The following CNIH3 variants were observed in gnomAD, a reference collection of about 807,000 sequenced individuals.
CNIH3 encodes the protein cornichon family AMPA receptor auxiliary protein 3.
In CNIH3, 14 loss-of-function variants were observed where a neutral mutation model predicts 24.1. The observed-to-expected ratio is 0.58, with a 90% CI of 0.38 to 0.91. The LOEUF (loss-of-function observed/expected upper bound fraction) is 0.91. CNIH3 is among the 40% of genes least tolerant of loss of function. CNIH3 has a pLI of 0.00. For synonymous variants in CNIH3, 68 were observed against 73.8 expected (o/e 0.92, Z 0.40); for missense variants, 178 against 196.8 (o/e 0.90, Z 0.57).
intron 1 of CNIH3, among the ~76,000 whole-genome samples, chr1:224,488,641 A>C (rs568416566): frequency 4.6e-5 from 7 of 152,118 alleles, no homozygotes; most frequent in African/African-American, 1.4e-4. Flanking sequence ...AATTTTTCAA[A>C]ATTTGTTGTA....
intron 2 of CNIH3, among the ~76,000 whole-genome samples, chr1:224,533,321 G>A (rs1679151941): frequency 6.6e-6 from 1 of 151,318 alleles, no homozygotes; most frequent in Non-Finnish European, 1.5e-5. Flanking sequence ...GGAGGCTGAG[G>A]TGGGAGGATC....
intron 1 of CNIH3, among the ~76,000 whole-genome samples, chr1:224,645,775 C>G (rs959614786): frequency 1.3e-5 from 2 of 152,224 alleles, no homozygotes; most frequent in African/African-American, 4.8e-5. Context: ...CTGCCATTCC[C>G]CACCCCATAA....
chr1:224,699,365 C>A (rs1336706272), intron 3 of CNIH3, among the ~76,000 whole-genome samples: 2 of 152,236 alleles, frequency 1.3e-5, no homozygotes, highest in Non-Finnish European at 2.9e-5. Context: ...ACTGTACCCC[C>A]TTCTCCTGGC....
chr1:224,625,325 G>A (rs1400241982), intron 1 of CNIH3, among the ~76,000 whole-genome samples: 8 of 152,122 alleles, frequency 5.3e-5, no homozygotes, highest in Non-Finnish European at 7.4e-5. Context: ...CTAGGCGGGC[G>A]GATCATGAGG....
chr1:224,622,966 C>G (rs1683351284), intron 1 of CNIH3, among the ~76,000 whole-genome samples: 1 of 152,210 alleles, frequency 6.6e-6, no homozygotes, highest in Admixed American at 6.5e-5. Context: ...GCCTTTGCCA[C>G]CATCATCTGA....
At chr1:224,543,743 A>G (rs1679601374) in intron 2 of CNIH3, among the ~76,000 whole-genome samples, 1 of 152,032 alleles carries the variant, frequency 6.6e-6, no homozygotes, top group Non-Finnish European at 1.5e-5. Context: ...TCTCCTCCAT[A>G]TGCACTGCAT....
intron 5 of CNIH3, chr1:224,587,496 G>A (rs1416026920): frequency 3.3e-5 from 5 of 152,192 alleles, no homozygotes; most frequent in African/African-American, 7.2e-5. Context: ...CTTTGGGAAG[G>A]GAAGGCACAC....
At position 224,739,447 on chromosome 1, in the gene CNIH3, A is replaced by C; in HGVS notation, c.*91A>C. On this transcript the variant is annotated 3_prime_UTR_variant, in exon 6 of 6. Transcript: ENST00000272133. ...TGCTGGTGACTGGAGGAGGGACCAG[A>C]ATGAGGATACGTGAGAAATAGACCC... 6.3e-7 allele frequency: 1 copy of C among 1,576,610 alleles called. No individual in the cohort carries two copies. The highest frequency in any genetic ancestry group is 1.2e-5 in the South Asian group (1 of 84,404).
At chr1:224,708,244 C>T (rs943841493) in intron 3 of CNIH3, among the ~76,000 whole-genome samples, 17 of 152,122 alleles carry the variant, frequency 1.1e-4, no homozygotes, top group African/African-American at 4.1e-4. Context: ...CCTCTCTCCT[C>T]TCAGGGCCCC....
chr1:224,683,816 G>A lies in CNIH3; in HGVS notation c.151-980G>A, dbSNP rs779426607. Among the ~76,000 whole-genome samples, 7 of 152,290 alleles carry A rather than the reference G, an allele frequency of 4.6e-5. No individual in the cohort carries two copies. In the East Asian group the frequency reaches 1.2e-3, roughly 25 times the overall value. On this transcript the variant is annotated intron_variant, in intron 2 of 5. Coordinates refer to ENST00000272133, the MANE Select transcript of CNIH3 (RefSeq NM_152495.2). Reference sequence around the variant, plus strand: ...TGCGTGTCTTGTAGCATTCCCTTTCGTGCGTGTGTGCACATAAGTATGTGT... The same window carrying A: ...TGCGTGTCTTGTAGCATTCCCTTTCATGCGTGTGTGCACATAAGTATGTGT...
intron 1 of CNIH3, among the ~76,000 whole-genome samples, chr1:224,645,104 T>G (rs913821271): frequency 1.3e-5 from 2 of 152,206 alleles, no homozygotes; most frequent in Non-Finnish European, 2.9e-5. Flanking sequence ...ATCTTTTATT[T>G]CAGTTTTACA....
At chr1:224,503,404 A>C (rs1677766296) in intron 1 of CNIH3, among the ~76,000 whole-genome samples, 1 of 150,454 alleles carries the variant, frequency 6.6e-6, no homozygotes, top group Non-Finnish European at 1.5e-5. Context: ...CCCCCCTCTT[A>C]TTTCCTTCTT....
At chr1:224,462,066 T>G (rs1231005421) in intron 1 of CNIH3, among the ~76,000 whole-genome samples, 1 of 152,182 alleles carries the variant, frequency 6.6e-6, no homozygotes, top group Non-Finnish European at 1.5e-5. Context: ...CAGGGTGTTC[T>G]CATATACACC....
chr1:224,662,285 GAT>G (rs1162106863), intron 1 of CNIH3, among the ~76,000 whole-genome samples: 1 of 152,166 alleles, frequency 6.6e-6, no homozygotes. Flanking sequence ...TGAGAGCTGA[GAT>G]ATTAGACAGA....
chr1:224,644,689 T>C (rs1025155730), intron 1 of CNIH3, among the ~76,000 whole-genome samples: 4 of 152,214 alleles, frequency 2.6e-5, no homozygotes, highest in Non-Finnish European at 5.9e-5. Flanking sequence ...GACTGCTGTA[T>C]GCCAAACAAT....
intron 1 of CNIH3, among the ~76,000 whole-genome samples, chr1:224,480,130 C>T (rs1425377451): frequency 3.3e-5 from 5 of 152,194 alleles, no homozygotes; most frequent in Non-Finnish European, 7.3e-5. Flanking sequence ...GACTTCTGCG[C>T]ACCCGTAGGC....
intron 3 of CNIH3, among the ~76,000 whole-genome samples, chr1:224,688,314 G>A (rs1194941596): frequency 6.6e-6 from 1 of 152,172 alleles, no homozygotes; most frequent in East Asian, 1.9e-4. Context: ...TAGCTCACAT[G>A]TTATTTAGCT....
At chr1:224,677,362 G>A (rs1051240588) in intron 1 of CNIH3, among the ~76,000 whole-genome samples, 4 of 152,212 alleles carry the variant, frequency 2.6e-5, no homozygotes, top group African/African-American at 4.8e-5. Flanking sequence ...GACAGGCACC[G>A]ATCTTGTTGA....
intron 1 of CNIH3, among the ~76,000 whole-genome samples, chr1:224,508,053 G>C (rs747040385): frequency 3.3e-4 from 50 of 152,222 alleles, no homozygotes; most frequent in Middle Eastern, 3.2e-3. Flanking sequence ...TAGTGAATGA[G>C]AGGTATTTCC....
Sources: gnomAD v4.1 joint callset for allele counts (sites outside exome capture counted in the v4.1 genomes callset) on GRCh38, gnomAD v4.1.1 for gene constraint, MANE v1.5 for transcripts, NCBI Gene and HGNC (gene_info 2026-07-23, HGNC 2026-07-21) for gene names.